Variants in CENATAC observed in about 807,000 individuals in gnomAD.
CENATAC encodes coiled-coil domain containing 84.
Under a neutral mutation model 53.7 loss-of-function variants are expected in CENATAC, and 53 were observed. The ratio of observed to expected loss-of-function variants is 0.99; its 90% CI spans 0.79 to 1.24. The LOEUF (loss-of-function observed/expected upper bound fraction) is 1.24. CENATAC is among the 50% of genes most tolerant of loss of function. CENATAC has a pLI of 0.00. For synonymous variants in CENATAC, 156 were observed against 144.6 expected (o/e 1.08, Z -0.57); for missense variants, 474 against 417.8 (o/e 1.13, Z -1.17).
chr11:119,004,650 C>T (rs929038667), intron 3 of CENATAC: 11 of 153,076 alleles, frequency 7.2e-5, no homozygotes, highest in African/African-American at 2.6e-4. Flanking sequence ...GAGGCTAAGG[C>T]AGGGGGATCA....
rs1942101269 is a variant in CENATAC at position 118,998,157 on chromosome 11, A to G, written c.-41A>G. On this transcript the variant is annotated 5_prime_UTR_variant, in exon 1 of 11. An upstream open reading frame in the 5' UTR loses its in-frame stop. Transcript: ENST00000334418. ...AGGGTCAGAGGCCGCCGGATGGCGT[A>G]GGATCGGCCGCTGGTGGTGGTGATA... 2.6e-6 allele frequency: 4 copies of G among 1,558,144 alleles called. No individual in the cohort carries two copies. Among genetic ancestry groups the G allele is most frequent in the East Asian group, 2.4e-5 (1 of 41,820 alleles).
intron 7 of CENATAC, 62 bp from the exon 8 acceptor site, chr11:119,013,170 A>AT (rs550311707): frequency 0.014 from 13,975 of 1,029,904 alleles, no homozygotes; most frequent in South Asian, 0.017. Context: ...CGTTTCTAGG[A>AT]TTTTTTTTTT....
In CENATAC at chr11:119,014,974, A is replaced by AAAC; in HGVS notation, c.716-20_716-19insAAC. 2 of 1,459,514 alleles carry AAAC rather than the reference A, an allele frequency of 1.4e-6. No individual in the cohort carries two copies. The highest frequency in any genetic ancestry group is 1.9e-6 in the Non-Finnish European group (2 of 1,065,912). 90.4% of individuals were successfully genotyped at this position (1,459,514 alleles called of 1,614,324 possible). A position where few individuals can be genotyped will look rare whatever the true frequency, so the allele number is the denominator to read the frequency against. On this transcript the variant is annotated intron_variant, in intron 8 of 10. Coordinates refer to ENST00000334418, the MANE Select transcript of CENATAC (RefSeq NM_198489.3). ...CTGAAGACTTAAAAAAAAAAAAAAA[A>AAAC]GCCTTAATTTTTTTTTCAGGTGCCA...
At position 119,015,362 on chromosome 11, in the gene CENATAC, T is replaced by C. The variant is rs1331343349; in HGVS notation, c.861T>C (p.Asp287=). Residue 287 remains aspartate, a synonymous_variant, in exon 10 of 11, where the codon GAT becomes GAC. Coordinates refer to ENST00000334418, the MANE Select transcript of CENATAC (RefSeq NM_198489.3). ...LPPDRVGANF[D]HSSRTSAGWL... is the part of the protein sequence containing the mutation. ...CAGACCGAGTTGGGGCCAACTTTGATCACAGCTCCAGGACCAGTGCAGGCT... is the reference window on the plus strand; with the variant it reads ...CAGACCGAGTTGGGGCCAACTTTGACCACAGCTCCAGGACCAGTGCAGGCT... The C allele has an allele frequency of 6.2e-7, 1 of 1,614,186 alleles. No homozygotes were observed. The highest frequency in any genetic ancestry group is 8.5e-7 in the Non-Finnish European group (1 of 1,180,014).
chr11:118,998,497 G>A lies in CENATAC; in HGVS notation c.188G>A (p.Cys63Tyr). Residue 63 changes from cysteine (C) to tyrosine (Y), a missense_variant, in exon 2 of 11, where the codon TGC becomes TAC. By Grantham distance (194) the Cys-to-Tyr change is radical. Coordinates refer to ENST00000334418, the MANE Select transcript of CENATAC (RefSeq NM_198489.3). Reference sequence around the variant, plus strand: ...CGCTATGTGCCCGAACACGAGCGATGCTGCTGGTGCCTGTGCTGCGGCTGT... The same window carrying A: ...CGCTATGTGCCCGAACACGAGCGATACTGCTGGTGCCTGTGCTGCGGCTGT... ...VERYVPEHER[C>Y]CWCLCCGCEV... 2 of 1,613,016 alleles carry A rather than the reference G, an allele frequency of 1.2e-6. No homozygotes were observed. The highest frequency in any genetic ancestry group is 1.7e-6 in the Non-Finnish European group (2 of 1,179,642).
At chr11:118,998,676 G>T (rs1234795260) in intron 2 of CENATAC, 83 bp downstream of exon 2, 2 of 1,464,046 alleles carry the variant, frequency 1.4e-6, no homozygotes, top group Non-Finnish European at 1.8e-6. Context: ...GAAAAAGGAC[G>T]CTTTTGTGAT....
intron 4 of CENATAC, 50 bp downstream of exon 4, chr11:119,010,880 C>A: frequency 6.5e-7 from 1 of 1,545,170 alleles, no homozygotes; most frequent in South Asian, 1.1e-5. Context: ...GGGCTGGTTT[C>A]GTGGAAGACG....
chr11:119,001,609 C>A (rs782332857), intron 3 of CENATAC: 11 of 455,136 alleles, frequency 2.4e-5, no homozygotes, highest in Non-Finnish European at 4.8e-5. Flanking sequence ...TTCCATATTT[C>A]TAGGCTATGT....
intron 3 of CENATAC, chr11:119,006,025 C>T (rs1942574311): frequency 7.2e-6 from 1 of 139,332 alleles, no homozygotes; most frequent in African/African-American, 2.7e-5. Flanking sequence ...CAGCCTCAAA[C>T]TCCTGAGGGC....
At position 119,003,655 on chromosome 11, in the gene CENATAC, G is replaced by A. The variant is rs1324343368; in HGVS notation, c.383+4546G>A. The A allele has an allele frequency of 5.0e-5, 8 of 161,130 alleles. No homozygotes were observed. The East Asian group carries it at 1.5e-3, about 30-fold the overall frequency. The allele number at this position is 161,130 out of a possible 1,614,324, so 10.0% of individuals were successfully genotyped here. A position where few individuals can be genotyped will look rare whatever the true frequency, so the allele number is the denominator to read the frequency against. On this transcript the variant is annotated intron_variant, in intron 3 of 10. Transcript: ENST00000334418. ...TTTTTTTTTTGGGAGACAGAGTCTT[G>A]TTCTGTTGCCCAGGCTGGAGTGGCA...
intron 8 of CENATAC, chr11:119,014,689 G>T: frequency 4.8e-6 from 1 of 210,224 alleles, no homozygotes; most frequent in Non-Finnish European, 9.3e-6. Flanking sequence ...ATATTTTAAT[G>T]GGGGCAGTGA....
At chr11:119,000,128 G>A (rs913735433) in intron 3 of CENATAC, among the ~76,000 whole-genome samples, 1 of 152,152 alleles carries the variant, frequency 6.6e-6, no homozygotes, top group African/African-American at 2.4e-5. Flanking sequence ...CTCTTGGTTG[G>A]CAGAAGCTGC....
intron 2 of CENATAC, 100 bp from the exon 3 acceptor site, chr11:118,998,911 C>G: frequency 4.5e-6 from 4 of 895,546 alleles, no homozygotes; most frequent in Non-Finnish European, 7.1e-6. Context: ...GTGCCCCAGG[C>G]AGAAACCCAG....
chr11:119,015,718 T>C lies in CENATAC; in HGVS notation c.*120T>C. The C allele has an allele frequency of 7.7e-7, 1 of 1,290,440 alleles. No individual in the cohort carries two copies. The highest frequency in any genetic ancestry group is 1.3e-5 in the South Asian group (1 of 78,464). The allele number at this position is 1,290,440 out of a possible 1,614,324, so 79.9% of individuals were successfully genotyped here. ...AAACAGACATACTCATTCATTTGATTTAATAAAGTTTTATTTTTCCAAATG... is the reference window on the plus strand; with the variant it reads ...AAACAGACATACTCATTCATTTGATCTAATAAAGTTTTATTTTTCCAAATG... On this transcript the variant is annotated 3_prime_UTR_variant, in exon 11 of 11. Transcript: ENST00000334418.
In CENATAC at chr11:119,010,750, CCTTTT is replaced by C. The variant is rs1332207179; in HGVS notation, c.384-8_384-4del. On this transcript the variant is annotated splice_polypyrimidine_tract_variant and intron_variant, in intron 3 of 10. Coordinates refer to ENST00000334418, the MANE Select transcript of CENATAC (RefSeq NM_198489.3). The stretch of plus-strand genomic sequence containing the variant: ...GGAATGGGTTCTGGGTGGTTTTGCC[CCTTTT>C]CTTTTTAGATTCAAGAAATCCATGG... The C allele has an allele frequency of 2.5e-6, 4 of 1,613,228 alleles. No homozygotes were observed. The highest frequency in any genetic ancestry group is 3.4e-6 in the Non-Finnish European group (4 of 1,179,650).
At chr11:119,001,164 A>G (rs1309977832) in intron 3 of CENATAC, among the ~76,000 whole-genome samples, 6 of 152,116 alleles carry the variant, frequency 3.9e-5, no homozygotes, top group Non-Finnish European at 8.8e-5. Flanking sequence ...GTAATATGCA[A>G]TTTACTGGTG....
chr11:119,007,898 G>A (rs933627892), intron 3 of CENATAC, among the ~76,000 whole-genome samples: 15 of 152,260 alleles, frequency 9.9e-5, no homozygotes, highest in Middle Eastern at 3.4e-3. Flanking sequence ...AGATTTAGAT[G>A]GTTTCTTACA....
intron 3 of CENATAC, among the ~76,000 whole-genome samples, chr11:119,008,970 T>C (rs958568000): frequency 2.2e-5 from 3 of 136,294 alleles, no homozygotes; most frequent in African/African-American, 6.9e-5. Flanking sequence ...CCAAGTTGGG[T>C]CAAAGTGGCT....
intron 2 of CENATAC, 59 bp downstream of exon 2, chr11:118,998,652 T>C: frequency 1.3e-6 from 2 of 1,517,558 alleles, no homozygotes; most frequent in Non-Finnish European, 1.8e-6. Flanking sequence ...GGGAGGAGGG[T>C]TTGGGGTGGG....
Sources: gnomAD v4.1 joint callset for allele counts (sites outside exome capture counted in the v4.1 genomes callset) on GRCh38, gnomAD v4.1.1 for gene constraint, MANE v1.5 for transcripts, NCBI Gene and HGNC (gene_info 2026-07-23, HGNC 2026-07-21) for gene names.